The following CDH4 variants were observed in gnomAD, a reference collection of about 807,000 sequenced individuals.
The protein encoded by CDH4 is cadherin 4.
Under a neutral mutation model 86.0 loss-of-function variants are expected in CDH4, and 33 were observed. The observed-to-expected ratio is 0.38, with a 90% CI of 0.29 to 0.51. The LOEUF (loss-of-function observed/expected upper bound fraction) is 0.51, where lower values mean the gene tolerates loss of function less well. Among genes scored for constraint, CDH4 ranks in the 20% least tolerant of loss-of-function variants. The probability of loss-of-function intolerance (pLI) is 0.86; values close to 1 mark genes in which losing one functional copy is unlikely to be tolerated. For synonymous variants in CDH4, 555 were observed against 549.4 expected, an observed-to-expected ratio of 1.01 and a Z score of -0.14; for missense variants, 1,114 against 1,307.4, an observed-to-expected ratio of 0.85 and a Z score of 2.28.
At chr20:61,601,088 T>C (rs934574988) in intron 2 of CDH4, among the ~76,000 whole-genome samples, 1 of 152,214 alleles carries the variant, frequency 6.6e-6, no homozygotes, top group African/African-American at 2.4e-5. Context: ...AGAGGCTTAA[T>C]TGACTCATGG....
intron 2 of CDH4, among the ~76,000 whole-genome samples, chr20:61,405,618 C>G (rs1317530168): frequency 5.3e-5 from 8 of 151,980 alleles, no homozygotes; most frequent in Non-Finnish European, 7.4e-5. Flanking sequence ...GGTCTCAACT[C>G]CTGTTTTAGG....
intron 2 of CDH4, among the ~76,000 whole-genome samples, chr20:61,551,516 G>A (rs1048832717): frequency 3.9e-5 from 6 of 152,192 alleles, no homozygotes; most frequent in Non-Finnish European, 8.8e-5. Context: ...CCCAGGGGCA[G>A]CCACTCTCCT....
intron 2 of CDH4, among the ~76,000 whole-genome samples, chr20:61,647,945 G>A (rs926597822): frequency 5.3e-5 from 8 of 152,162 alleles, no homozygotes; most frequent in Non-Finnish European, 1.2e-4. Flanking sequence ...CAGGGGCTGC[G>A]GCCTGCCGAG....
In CDH4 at chr20:61,392,705, T is replaced by G. The variant is rs4925258; in HGVS notation, c.169+137768T>G. On this transcript the variant is annotated intron_variant, in intron 2 of 15. Transcript: ENST00000614565. The surrounding 1 kb of genome is among the most constrained non-coding windows in gnomAD (Gnocchi z 5.7). ...TCATCTTCTGATTCAAAAGACATTTTCCCGTGCTGTTAAATTTGAACCTTG... is the reference window on the plus strand; with the variant it reads ...TCATCTTCTGATTCAAAAGACATTTGCCCGTGCTGTTAAATTTGAACCTTG... Among the ~76,000 whole-genome samples the G allele has an allele frequency of 0.32, 48,974 of 152,090 alleles. 8,903 individuals carry two copies. Among genetic ancestry groups the G allele is most frequent in the East Asian group, 0.8 (4,109 of 5,166 alleles).
chr20:61,266,206 G>A (rs368993810), intron 2 of CDH4, among the ~76,000 whole-genome samples: 6 of 152,182 alleles, frequency 3.9e-5, no homozygotes, highest in East Asian at 3.9e-4. Flanking sequence ...TGGTACAGCC[G>A]CAGGTGTTGA....
At chr20:61,731,284 GC>G (rs1001512925) in intron 2 of CDH4, among the ~76,000 whole-genome samples, 22 of 152,016 alleles carry the variant, frequency 1.4e-4, no homozygotes, top group African/African-American at 5.3e-4. Context: ...TCACCCCTCG[GC>G]CCCCCGGCGG....
chr20:61,409,683 A>G (rs1417820724), intron 2 of CDH4, among the ~76,000 whole-genome samples: 1 of 152,250 alleles, frequency 6.6e-6, no homozygotes, highest in African/African-American at 2.4e-5. Context: ...CAGTCTACAG[A>G]GATACCGGCA....
intron 6 of CDH4, among the ~76,000 whole-genome samples, chr20:61,860,829 A>G (rs1983290711): frequency 6.6e-6 from 1 of 151,986 alleles, no homozygotes; most frequent in South Asian, 2.1e-4. Flanking sequence ...CTCCTGCAGG[A>G]TCCTGGCATT....
Position 61,565,170 on chromosome 20 carries a change from G to GGGA in CDH4, c.170-178391_170-178390insAGG, listed in dbSNP as rs2086263017. 4.7e-5 allele frequency among the ~76,000 whole-genome samples: 6 copies of GGGA among 127,146 alleles called. 1 individual carries two copies. Among genetic ancestry groups the GGGA allele is most frequent in the African/African-American group, 1.2e-4 (4 of 33,314 alleles). The allele number at this position is 127,146 out of a possible 152,430, so 83.4% of individuals were successfully genotyped here. A position where few individuals can be genotyped will look rare whatever the true frequency, so the allele number is the denominator to read the frequency against. ...GTTGGTAGTGGTCCTCTTGGTGATG[G>GGGA]GGTGGTGGTGGTGGTGGTCCTCTTG... On this transcript the variant is annotated intron_variant, in intron 2 of 15. Coordinates refer to ENST00000614565, the MANE Select transcript of CDH4 (RefSeq NM_001794.5).
At chr20:61,257,710 C>T (rs2084106529) in intron 2 of CDH4, among the ~76,000 whole-genome samples, 1 of 152,222 alleles carries the variant, frequency 6.6e-6, no homozygotes, top group African/African-American at 2.4e-5. Flanking sequence ...GTAGTTTAGT[C>T]TGGGGTGATG....
rs774366468 is a variant in CDH4 at position 61,684,294 on chromosome 20, C to T, written c.170-59269C>T. Among the ~76,000 whole-genome samples the T allele has an allele frequency of 2.1e-4, 32 of 152,126 alleles. No homozygotes were observed. Among genetic ancestry groups the T allele is most frequent in the Admixed American group, 2.6e-4 (4 of 15,276 alleles). ...AGGTGCTCAGAGGGTGGCAAAGGGGCGACCATGCGACTGAGCCCTGTGGGA... is the reference window on the plus strand; with the variant it reads ...AGGTGCTCAGAGGGTGGCAAAGGGGTGACCATGCGACTGAGCCCTGTGGGA... On this transcript the variant is annotated intron_variant, in intron 2 of 15. Transcript: ENST00000614565. This position sits in a 1 kb window ranked among gnomAD's most constrained non-coding sequence, Gnocchi z 4.5.
At chr20:61,383,266 T>A (rs1482767115) in intron 2 of CDH4, among the ~76,000 whole-genome samples, 1 of 62,798 alleles carries the variant, frequency 1.6e-5, no homozygotes, top group Non-Finnish European at 3.4e-5. Flanking sequence ...ATATATGTGA[T>A]ATATATGAAT....
intron 2 of CDH4, among the ~76,000 whole-genome samples, chr20:61,639,133 A>T (rs1272740025): frequency 6.6e-6 from 1 of 152,258 alleles, no homozygotes. Context: ...GACGTCCCAC[A>T]GTATCTGGCG....
rs1220986191 is a variant in CDH4 at position 61,392,927 on chromosome 20, T to G, written c.169+137990T>G. ...AAAGTCTCCCGATCAGGGAAGGAGG[T>G]GCAGATACTCACCCCGATACCCACC... On this transcript the variant is annotated intron_variant, in intron 2 of 15. Coordinates refer to ENST00000614565, the MANE Select transcript of CDH4 (RefSeq NM_001794.5). This position sits in a 1 kb window ranked among gnomAD's most constrained non-coding sequence, Gnocchi z 5.7. 6.6e-6 allele frequency among the ~76,000 whole-genome samples: 1 copy of G among 151,780 alleles called. No homozygotes were observed.
chr20:61,823,535 T>C (rs1335373995), intron 4 of CDH4, among the ~76,000 whole-genome samples: 1 of 152,098 alleles, frequency 6.6e-6, no homozygotes, highest in Non-Finnish European at 1.5e-5. Context: ...TTTCATGCAG[T>C]AGGTGTCATA....
intron 2 of CDH4, among the ~76,000 whole-genome samples, chr20:61,311,934 C>T (rs1392283361): frequency 6.6e-6 from 1 of 152,278 alleles, no homozygotes; most frequent in Non-Finnish European, 1.5e-5. Context: ...TGTGCCCGAG[C>T]CTGTGAGGTC....
chr20:61,263,300 G>A (rs1261775635), intron 2 of CDH4, among the ~76,000 whole-genome samples: 1 of 152,152 alleles, frequency 6.6e-6, no homozygotes, highest in African/African-American at 2.4e-5. Context: ...GTGGCCTCCG[G>A]TATTGTCTCT....
chr20:61,726,255 A>G (rs1458483882), intron 2 of CDH4, among the ~76,000 whole-genome samples: 1 of 152,062 alleles, frequency 6.6e-6, no homozygotes, highest in Admixed American at 6.5e-5. Context: ...GCCAGTGACC[A>G]TTGGCACCAG....
At chr20:61,757,788 G>A (rs192840178) in intron 3 of CDH4, among the ~76,000 whole-genome samples, 32 of 152,340 alleles carry the variant, frequency 2.1e-4, no homozygotes, top group Middle Eastern at 3.4e-3. Flanking sequence ...CACGTGAGCC[G>A]TGGAGGGAGG....
Sources: allele counts gnomAD v4.1 joint callset (sites outside exome capture counted in the v4.1 genomes callset), GRCh38; gene constraint gnomAD v4.1.1; non-coding constraint Gnocchi (gnomAD v3.1); transcripts MANE v1.5; gene names NCBI Gene and HGNC (gene_info 2026-07-23, HGNC 2026-07-21).